The following NAALADL2 variants were observed in gnomAD, a reference collection of about 807,000 sequenced individuals.
The protein encoded by NAALADL2 is N-acetylated alpha-linked acidic dipeptidase like 2.
NAALADL2 carries 76 observed loss-of-function variants against 87.2 expected under a neutral mutation model. The observed-to-expected ratio is 0.87, with a 90% confidence interval of 0.72 to 1.05. The LOEUF is 1.05. Among genes scored for constraint, NAALADL2 ranks in the 50% least tolerant of loss-of-function variants. The pLI, the probability that NAALADL2 is intolerant of heterozygous loss-of-function variation, is 0.00. For synonymous variants in NAALADL2, 354 were observed against 331.0 expected, an observed-to-expected ratio of 1.07 and a Z score of -0.75; for missense variants, 1,089 against 945.8, an observed-to-expected ratio of 1.15 and a Z score of -1.99.
In NAALADL2 at chr3:175,013,292, TA is replaced by T. The variant is rs1284596296; in HGVS notation, c.44-83497del. Among the ~76,000 whole-genome samples, 41 of 85,526 alleles carry T rather than the reference TA, an allele frequency of 4.8e-4. 3 individuals carry two copies. The highest frequency in any genetic ancestry group is 6.6e-3 in the Middle Eastern group (1 of 152). 56.1% of individuals were successfully genotyped at this position (85,526 alleles called of 152,430 possible). ...TTATATATATACATATATATATATA[TA>T]TATATATATTTTTTTTTTTTTTTGA... On this transcript the variant is annotated intron_variant, in intron 1 of 13. Transcript: ENST00000454872.
rs1729597590 is a variant in NAALADL2 at position 175,139,047 on chromosome 3, G to C, written c.545+41756G>C. On this transcript the variant is annotated intron_variant, in intron 2 of 13. Transcript: ENST00000454872. ...AGAAGTGAAATATTTTTCTTTCTTT[G>C]AATTTTTCTGTCCAATGTTATATTA... is the stretch of plus-strand genomic sequence containing the variant. 2.0e-5 allele frequency among the ~76,000 whole-genome samples: 3 copies of C among 150,560 alleles called. No individual in the cohort carries two copies. The South Asian group carries it at 6.3e-4, about 32-fold the overall frequency.
chr3:175,766,742 TGAA>T (rs1351258694), intron 13 of NAALADL2, among the ~76,000 whole-genome samples: 2 of 152,206 alleles, frequency 1.3e-5, no homozygotes, highest in African/African-American at 4.8e-5. Flanking sequence ...TTCTTTGTAC[TGAA>T]GCACCTAAAA....
chr3:174,642,393 C>T (rs1226808798), intron 2 of NAALADL2, among the ~76,000 whole-genome samples: 6 of 151,354 alleles, frequency 4.0e-5, no homozygotes, highest in African/African-American at 4.9e-5. Flanking sequence ...CCCAGCTACT[C>T]GCGAGGCTGA....
chr3:174,607,175 A>G (rs1578293689), intron 2 of NAALADL2, among the ~76,000 whole-genome samples: 2 of 152,156 alleles, frequency 1.3e-5, no homozygotes, highest in South Asian at 4.2e-4. Context: ...AGTACTAAAC[A>G]TGGAAAGGAA....
intron 2 of NAALADL2, among the ~76,000 whole-genome samples, chr3:175,153,408 A>G (rs1052053551): frequency 6.6e-6 from 1 of 152,124 alleles, no homozygotes; most frequent in Non-Finnish European, 1.5e-5. Flanking sequence ...ATGAAAGGAC[A>G]CTGCACTGTC....
chr3:174,488,366 T>C (rs1027096713), intron 1 of NAALADL2, among the ~76,000 whole-genome samples: 29 of 151,974 alleles, frequency 1.9e-4, no homozygotes, highest in Non-Finnish European at 2.4e-4. Context: ...AAGAATATGA[T>C]AGGATTAACC....
At chr3:174,975,994 A>G (rs1220227480) in intron 1 of NAALADL2, among the ~76,000 whole-genome samples, 1 of 152,216 alleles carries the variant, frequency 6.6e-6, no homozygotes, top group East Asian at 1.9e-4. Context: ...AACTGAGATA[A>G]TAAGTGTTTG....
intron 2 of NAALADL2, among the ~76,000 whole-genome samples, chr3:174,569,470 A>G (rs1714669397): frequency 6.6e-6 from 1 of 152,212 alleles, no homozygotes; most frequent in African/African-American, 2.4e-5. Context: ...CAGCTGTTTT[A>G]CAATCTTTAT....
rs181491705 is a variant in NAALADL2 at position 174,480,419 on chromosome 3, C to T, written c.-184+39387C>T. The stretch of plus-strand genomic sequence containing the variant: ...TTTTTCACTCTTGGAATGGTCCCAC[C>T]CTACCCACCTGCTTCAAAAGGCTAC... On this transcript the variant is annotated intron_variant, in intron 1 of 3. Coordinates refer to the NAALADL2 transcript ENST00000434257. 2.0e-3 allele frequency among the ~76,000 whole-genome samples: 305 copies of T among 152,130 alleles called. 3 individuals are homozygous for T. The highest frequency in any genetic ancestry group is 2.7e-3 in the Admixed American group (41 of 15,240).
rs985446531 is a variant in NAALADL2, at chr3:174,741,725, T to A, written c.-9+3979T>A. ...TAAATTTTTAGCCTAATTTTGTAAG[T>A]TTTTGAAGATCTTTGCATATAGCTC... On this transcript the variant is annotated intron_variant, in intron 3 of 3. Transcript: ENST00000434257. 1.3e-4 allele frequency among the ~76,000 whole-genome samples: 19 copies of A among 151,846 alleles called. No individual in the cohort carries two copies. The East Asian group carries it at 2.1e-3, about 17-fold the overall frequency.
intron 1 of NAALADL2, chr3:175,080,953 G>A (rs1717682782): frequency 6.6e-6 from 1 of 152,136 alleles, no homozygotes; most frequent in East Asian, 1.9e-4. Flanking sequence ...ATTCAGGACT[G>A]GATATTAAGT....
chr3:175,030,820 GA>G (rs1340522343), intron 1 of NAALADL2, among the ~76,000 whole-genome samples: 2 of 151,946 alleles, frequency 1.3e-5, no homozygotes, highest in East Asian at 3.9e-4. Flanking sequence ...TTTTATCAAA[GA>G]ATTTCATAAT....
intron 1 of NAALADL2, among the ~76,000 whole-genome samples, chr3:174,861,749 C>T (rs1726533893): frequency 6.6e-6 from 1 of 151,972 alleles, no homozygotes; most frequent in Non-Finnish European, 1.5e-5. Flanking sequence ...GAAAGGCTAG[C>T]CATAGATATT....
At chr3:175,680,918 T>A (rs1220537885) in intron 11 of NAALADL2, among the ~76,000 whole-genome samples, 1 of 152,020 alleles carries the variant, frequency 6.6e-6, no homozygotes, top group Non-Finnish European at 1.5e-5. Context: ...ATCGGCACAA[T>A]CCTGGCCAAC....
chr3:174,852,389 A>G (rs1384826833), intron 3 of NAALADL2, among the ~76,000 whole-genome samples: 1 of 152,194 alleles, frequency 6.6e-6, no homozygotes, highest in Admixed American at 6.5e-5. Flanking sequence ...CACGAAGTTA[A>G]CATACAAATT....
chr3:174,615,140 A>G (rs148928901), intron 2 of NAALADL2, among the ~76,000 whole-genome samples: 55 of 152,318 alleles, frequency 3.6e-4, no homozygotes, highest in African/African-American at 1.3e-3. Context: ...GTTTTGATGA[A>G]TTAGAAAGTG....
At chr3:174,618,953 T>A (rs917646499) in intron 2 of NAALADL2, among the ~76,000 whole-genome samples, 1 of 151,934 alleles carries the variant, frequency 6.6e-6, no homozygotes, top group Non-Finnish European at 1.5e-5. Flanking sequence ...AATAGGTACA[T>A]GAACCTTTCA....
intron 1 of NAALADL2, among the ~76,000 whole-genome samples, chr3:174,988,277 T>C (rs978524620): frequency 1.3e-5 from 2 of 152,208 alleles, no homozygotes; most frequent in African/African-American, 4.8e-5. Context: ...AGTTAAGCTT[T>C]AATTTACCCA....
intron 5 of NAALADL2, among the ~76,000 whole-genome samples, chr3:175,394,528 G>C (rs926853051): frequency 2.0e-5 from 3 of 152,012 alleles, no homozygotes; most frequent in Non-Finnish European, 4.4e-5. Context: ...TTTTAAAAAA[G>C]ATACATATCA....
Sources: gnomAD v4.1 joint callset for allele counts (sites outside exome capture counted in the v4.1 genomes callset) on GRCh38, gnomAD v4.1.1 for gene constraint, MANE v1.5 for transcripts, NCBI Gene and HGNC (gene_info 2026-07-23, HGNC 2026-07-21) for gene names.